The following HOXA3 variants were observed in gnomAD, a reference collection of about 807,000 sequenced individuals.
The protein encoded by HOXA3 is homeobox A3, also known as homeobox protein Hox-A3.
A neutral mutation model predicts 30.3 loss-of-function variants in HOXA3; 8 were observed. The observed-to-expected ratio is 0.26, with a 90% CI of 0.15 to 0.48. The LOEUF is 0.48. HOXA3 is among the 20% of genes least tolerant of loss of function. The pLI, the probability that HOXA3 is intolerant of heterozygous loss-of-function variation, is 0.99. For synonymous variants in HOXA3, 323 were observed against 273.1 expected (o/e 1.18, Z -1.80); for missense variants, 653 against 614.4 (o/e 1.06, Z -0.66).
intron 1 of HOXA3, chr7:27,141,873 T>C (rs763891126): frequency 1.9e-6 from 3 of 1,614,128 alleles, no homozygotes; most frequent in Admixed American, 3.3e-5. Flanking sequence ...GCCATGCTCA[T>C]GCTTTTCAGC....
chr7:27,138,712 C>T (rs1049192102), intron 2 of HOXA3, among the ~76,000 whole-genome samples: 4 of 152,150 alleles, frequency 2.6e-5, no homozygotes, highest in African/African-American at 7.2e-5. Context: ...GAATTGTGCC[C>T]AGGATAAACT....
At chr7:27,121,148 T>G (rs1347113009) in intron 4 of HOXA3, 1 of 152,146 alleles carries the variant, frequency 6.6e-6, no homozygotes, top group Non-Finnish European at 1.5e-5. Flanking sequence ...CACTTAACAT[T>G]TTTGTCCCAT....
rs981592391 is a variant in HOXA3, at chr7:27,118,136, G to A, written c.-121+4423C>T. ...TAACTCACTCTAGATATGAACAATC[G>A]GCGGAAATACCTTAAAATAAATTCC... On this transcript the variant is annotated intron_variant, in intron 4 of 5. Transcript: ENST00000612286. Among the ~76,000 whole-genome samples the A allele has an allele frequency of 2.6e-5, 4 of 152,190 alleles. No homozygotes were observed. The South Asian group carries it at 8.3e-4, about 32-fold the overall frequency.
chr7:27,143,303 G>T, intron 1 of HOXA3: 1 of 1,601,840 alleles, frequency 6.2e-7, no homozygotes, highest in Non-Finnish European at 8.5e-7. Flanking sequence ...GGCGGAGCAG[G>T]GCAGCGGATC....
intron 3 of HOXA3, among the ~76,000 whole-genome samples, chr7:27,126,126 T>G (rs1027268237): frequency 5.3e-5 from 8 of 152,204 alleles, no homozygotes; most frequent in African/African-American, 1.9e-4. Flanking sequence ...ATATCATAGA[T>G]TTCAGCAAAA....
At chr7:27,136,124 C>A (rs1785704348) in intron 2 of HOXA3, among the ~76,000 whole-genome samples, 1 of 152,184 alleles carries the variant, frequency 6.6e-6, no homozygotes, top group Non-Finnish European at 1.5e-5. Flanking sequence ...GAGCACTGCA[C>A]AATGTAAACT....
intron 2 of HOXA3, among the ~76,000 whole-genome samples, chr7:27,135,963 T>C (rs1218649231): frequency 6.6e-6 from 1 of 152,232 alleles, no homozygotes; most frequent in Non-Finnish European, 1.5e-5. Flanking sequence ...TTCTATCCTT[T>C]CCTCCGTAAT....
intron 1 of HOXA3, among the ~76,000 whole-genome samples, chr7:27,148,568 A>G (rs982994240): frequency 1.3e-5 from 2 of 152,236 alleles, no homozygotes; most frequent in African/African-American, 4.8e-5. Context: ...AAGGGGCTCA[A>G]TGGCCCGCGC....
At chr7:27,150,137 A>ATCTTGTTGGCAGCTGACCAAT (rs1562734030) in intron 1 of HOXA3, 1 of 152,016 alleles carries the variant, frequency 6.6e-6, no homozygotes, top group African/African-American at 2.4e-5. Context: ...GCTAGTGCAT[A>ATCTTGTTGGCAGCTGACCAAT]TCATTTCTCC....
At chr7:27,117,444 A>T (rs1336470195) in intron 4 of HOXA3, among the ~76,000 whole-genome samples, 1 of 151,960 alleles carries the variant, frequency 6.6e-6, no homozygotes, top group Non-Finnish European at 1.5e-5. Context: ...ACCCCACCCC[A>T]AGGCTCTCCT....
chr7:27,130,987 G>T (rs1405612834), intron 2 of HOXA3, among the ~76,000 whole-genome samples: 1 of 152,170 alleles, frequency 6.6e-6, no homozygotes, highest in Admixed American at 6.5e-5. Flanking sequence ...CGCACCGCGC[G>T]CGCGGACCCG....
intron 1 of HOXA3, chr7:27,147,190 T>G: frequency 3.8e-6 from 4 of 1,054,956 alleles, no homozygotes. Flanking sequence ...AAAGAAACTT[T>G]GCTGGTTCTT....
chr7:27,130,515 G>A (rs1410188375), intron 2 of HOXA3: 1 of 1,327,970 alleles, frequency 7.5e-7, no homozygotes, highest in South Asian at 2.1e-5. Flanking sequence ...GCGGCGCGTA[G>A]TAGGAGGCAG....
chr7:27,135,596 G>A (rs1237131109), intron 2 of HOXA3, among the ~76,000 whole-genome samples: 1 of 152,306 alleles, frequency 6.6e-6, no homozygotes, highest in African/African-American at 2.4e-5. Context: ...TATTTTGCAA[G>A]AAGTGTCTGT....
intron 1 of HOXA3, among the ~76,000 whole-genome samples, 180 bp downstream of exon 1, chr7:27,152,108 G>A (rs1782992166): frequency 1.4e-5 from 2 of 138,080 alleles, no homozygotes; most frequent in African/African-American, 4.9e-5. Flanking sequence ...GCGCGCGTGT[G>A]TGCCTGTGTG....
At chr7:27,128,646 GACAA>G in intron 2 of HOXA3, 2 of 159,340 alleles carry the variant, frequency 1.3e-5, no homozygotes, top group Non-Finnish European at 2.8e-5. Context: ...CCCAGAAGGG[GACAA>G]CAGTATCTCT....
rs1784324736 is a variant in HOXA3 at position 27,110,745 on chromosome 7, G to T, written c.-105C>A. 6.5e-7 allele frequency: 1 copy of T among 1,543,550 alleles called. No homozygotes were observed. ...GTCACGTGACACTCCGCCGCCAATG[G>T]CCGCCCCGCGCAGACCTGGTGGGGC... On this transcript the variant is annotated 5_prime_UTR_variant, in exon 5 of 6. Coordinates refer to ENST00000612286, the MANE Select transcript of HOXA3 (RefSeq NM_153631.3).
chr7:27,111,728 C>T (rs1489957477), intron 4 of HOXA3, among the ~76,000 whole-genome samples: 1 of 152,076 alleles, frequency 6.6e-6, no homozygotes, highest in East Asian at 1.9e-4. Context: ...CAAATTCTAC[C>T]TGTTAAAACA....
In HOXA3 at chr7:27,152,460, G is replaced by A. The variant is rs1441499186; in HGVS notation, c.-666C>T. The A allele has an allele frequency of 8.8e-7, 1 of 1,130,300 alleles. No individual in the cohort carries two copies. The highest frequency in any genetic ancestry group is 7.4e-5 in the East Asian group (1 of 13,570). 70.0% of individuals were successfully genotyped at this position (1,130,300 alleles called of 1,614,324 possible). A position where few individuals can be genotyped will look rare whatever the true frequency, so the allele number is the denominator to read the frequency against. On this transcript the variant is annotated 5_prime_UTR_variant, in exon 1 of 6. Transcript: ENST00000612286. Reference sequence around the variant, plus strand: ...AACGGAGCGCGCCCAATCTCCAGCGGGAGCCGCCAGGCCTGGCCTGGCCGG... The same window carrying A: ...AACGGAGCGCGCCCAATCTCCAGCGAGAGCCGCCAGGCCTGGCCTGGCCGG...
Sources: allele counts gnomAD v4.1 joint callset (sites outside exome capture counted in the v4.1 genomes callset), GRCh38; gene constraint gnomAD v4.1.1; transcripts MANE v1.5; gene names NCBI Gene and HGNC (gene_info 2026-07-23, HGNC 2026-07-21).